KLHDC7A: variants seen among roughly 807,000 people sequenced by gnomAD.
KLHDC7A encodes the protein kelch domain containing 7A, also known as kelch domain-containing protein 7A.
For synonymous variants in KLHDC7A, 464 were observed against 461.0 expected (o/e 1.01, Z -0.08); for missense variants, 1,123 against 1,052.6 (o/e 1.07, Z -0.93).
rs368013243 is a variant in KLHDC7A, at chr1:18,483,129, C to T, written c.2148C>T (p.Phe716=). 314 of 1,614,022 alleles carry T rather than the reference C, an allele frequency of 1.9e-4. No individual in the cohort carries two copies. Among genetic ancestry groups the T allele is most frequent in the Non-Finnish European group, 2.5e-4 (298 of 1,180,038 alleles). Reference sequence around the variant, plus strand: ...ACCGGACGCCTTACCCGGATGCCTTCCAGTGCGCCGTGGTGGACAACCTCA... The same window carrying T: ...ACCGGACGCCTTACCCGGATGCCTTTCAGTGCGCCGTGGTGGACAACCTCA... ...ATYRTPYPDA[F]QCAVVDNLIY... Residue 716 remains phenylalanine (F), a synonymous_variant, in exon 1 of 1, where the codon TTC becomes TTT. Transcript: ENST00000400664.
rs888445245 is a variant in KLHDC7A at position 18,483,771 on chromosome 1, C to G, written c.*456C>G. On this transcript the variant is annotated 3_prime_UTR_variant, in exon 1 of 1. Coordinates refer to ENST00000400664, the MANE Select transcript of KLHDC7A (RefSeq NM_152375.3). ...CTTCCTAAACATCAGCCACTGGGCC[C>G]CACCTCCACAGTTCCCAGAAGCACC... 5 of 1,203,764 alleles carry G rather than the reference C, an allele frequency of 4.2e-6. No individual in the cohort carries two copies. The highest frequency in any genetic ancestry group is 5.3e-6 in the Non-Finnish European group (5 of 943,436). The allele number at this position is 1,203,764 out of a possible 1,614,324, so 74.6% of individuals were successfully genotyped here.
chr1:18,481,459 C>A lies in KLHDC7A; in HGVS notation c.478C>A (p.Arg160Ser), dbSNP rs11261022. 559,696 of 1,613,382 alleles carry A rather than the reference C, an allele frequency of 0.35. 98,637 individuals are homozygous for A. The highest frequency in any genetic ancestry group is 0.39 in the Middle Eastern group (2,378 of 6,062). Reference protein sequence around the residue: ...GSNPDPPHFPRLGSEPKSSPA... With the variant: ...GSNPDPPHFPSLGSEPKSSPA... ...TAACCCTGACCCTCCCCATTTCCCC[C>A]GCTTGGGCAGCGAACCGAAGAGCTC... The change falls in exon 1 of 1, where the codon CGC becomes AGC. Residue 160 changes from arginine (R) to serine (S), a missense_variant. Coordinates refer to ENST00000400664, the MANE Select transcript of KLHDC7A (RefSeq NM_152375.3).
rs765463020 is a variant in KLHDC7A, at chr1:18,481,630, A to C, written c.649A>C (p.Ser217Arg). Residue 217 changes from serine to arginine, a missense_variant, in exon 1 of 1, where the codon AGT becomes CGT. Physicochemically the swap from Ser to Arg is moderately radical, Grantham distance 110. Transcript: ENST00000400664. ...CHYVAPLQGS[S>R]DMNQSWVFTR... ...CTACGTGGCTCCCTTGCAAGGCAGC[A>C]GTGACATGAACCAGAGCTGGGTCTT... 2 of 1,614,082 alleles carry C rather than the reference A, an allele frequency of 1.2e-6. No individual in the cohort carries two copies. The highest frequency in any genetic ancestry group is 3.3e-5 in the Admixed American group (2 of 60,028).
Position 18,481,725 on chromosome 1 carries a change from C to T in KLHDC7A, c.744C>T (p.Thr248=). Residue 248 remains threonine (T), a synonymous_variant, in exon 1 of 1, where the codon ACC becomes ACT. Transcript: ENST00000400664. ...AGGCTGCCTCCGATGTTGACCTGAC[C>T]CTGCATCAGCAGGAGGGCGCCCCCA... ...ALEAASDVDL[T]LHQQEGAPNS... The T allele has an allele frequency of 1.9e-6, 3 of 1,614,052 alleles. No individual in the cohort carries two copies. The highest frequency in any genetic ancestry group is 1.7e-6 in the Non-Finnish European group (2 of 1,179,994).
Position 18,483,194 on chromosome 1 carries a change from C to A in KLHDC7A, c.2213C>A (p.Ala738Glu). The change falls in exon 1 of 1, where the codon GCA becomes GAA. Residue 738 changes from alanine to glutamate, a missense_variant. Transcript: ENST00000400664. The stretch of plus-strand genomic sequence containing the variant: ...CGCCGGAGCACCCTCTGCTTCCTAG[C>A]AGACTCTGTCTCACCCAGGTTTGTG... Reference protein sequence around the residue: ...VGRRSTLCFLADSVSPRFVPK... With the variant: ...VGRRSTLCFLEDSVSPRFVPK... 6 of 1,614,076 alleles carry A rather than the reference C, an allele frequency of 3.7e-6. No homozygotes were observed. Among genetic ancestry groups the A allele is most frequent in the Non-Finnish European group, 5.1e-6 (6 of 1,180,036 alleles).
rs570822353 is a variant in KLHDC7A at position 18,483,607 on chromosome 1, T to C, written c.*292T>C. On this transcript the variant is annotated 3_prime_UTR_variant, in exon 1 of 1. Transcript: ENST00000400664. ...CCGCCCTTGCTTCAACTCTGAATTCTTGGGGGGATACACCGGGACCCCACC... is the reference window on the plus strand; with the variant it reads ...CCGCCCTTGCTTCAACTCTGAATTCCTGGGGGGATACACCGGGACCCCACC... 1.5e-6 allele frequency: 2 copies of C among 1,321,990 alleles called. No individual in the cohort carries two copies. Among genetic ancestry groups the C allele is most frequent in the Admixed American group, 3.4e-5 (1 of 29,562 alleles). 81.9% of individuals were successfully genotyped at this position (1,321,990 alleles called of 1,614,324 possible).
In KLHDC7A at chr1:18,483,493, C is replaced by T. The variant is rs529465442; in HGVS notation, c.*178C>T. 4.8e-6 allele frequency: 7 copies of T among 1,448,620 alleles called. No homozygotes were observed. The South Asian group carries it at 7.5e-5, about 15-fold the overall frequency. 89.7% of individuals were successfully genotyped at this position (1,448,620 alleles called of 1,614,324 possible). ...AGAGAGGGATCTTAGATGAGTCTTA[C>T]CCTTCATGGGCTGCAGAGGCCCCAC... On this transcript the variant is annotated 3_prime_UTR_variant, in exon 1 of 1. Coordinates refer to ENST00000400664, the MANE Select transcript of KLHDC7A (RefSeq NM_152375.3).
rs751381872 is a variant in KLHDC7A at position 18,482,619 on chromosome 1, C to T, written c.1638C>T (p.Ser546=). ...CSLFNYLFVV[S]GCQGPGHQPS... is the part of the protein sequence containing the mutation. ...TCTTCAATTATCTCTTCGTGGTGTC[C>T]GGCTGCCAGGGGCCCGGGCACCAGC... The change falls in exon 1 of 1, where the codon TCC becomes TCT. Residue 546 remains serine (S), a synonymous_variant. Transcript: ENST00000400664. The T allele has an allele frequency of 8.7e-6, 14 of 1,609,480 alleles. No individual in the cohort carries two copies. The highest frequency in any genetic ancestry group is 3.3e-5 in the South Asian group (3 of 91,000).
In KLHDC7A at chr1:18,484,201, G is replaced by A; in HGVS notation, c.*886G>A. 6.8e-6 allele frequency: 3 copies of A among 441,544 alleles called. 1 individual carries two copies. The highest frequency in any genetic ancestry group is 5.8e-5 in the South Asian group (3 of 51,472). The allele number at this position is 441,544 out of a possible 1,614,324, so 27.4% of individuals were successfully genotyped here. A position where few individuals can be genotyped will look rare whatever the true frequency, so the allele number is the denominator to read the frequency against. Reference sequence around the variant, plus strand: ...CAACCACCACCAGTCAGCACTTCAGGGTGACAGCATAATTTGCCCTCCTTG... The same window carrying A: ...CAACCACCACCAGTCAGCACTTCAGAGTGACAGCATAATTTGCCCTCCTTG... On this transcript the variant is annotated 3_prime_UTR_variant, in exon 1 of 1. Coordinates refer to ENST00000400664, the MANE Select transcript of KLHDC7A (RefSeq NM_152375.3).
Position 18,483,213 on chromosome 1 carries a change from G to C in KLHDC7A, c.2232G>C (p.Arg744Ser). ...TCCTAGCAGACTCTGTCTCACCCAG[G>C]TTTGTGCCCAAGGAGCTGCGGAGTT... The part of the protein sequence containing the change: ...LCFLADSVSP[R>S]FVPKELRSFP... Residue 744 changes from arginine to serine, a missense_variant, in exon 1 of 1, where the codon AGG (arginine) becomes AGC (serine). Coordinates refer to ENST00000400664, the MANE Select transcript of KLHDC7A (RefSeq NM_152375.3). The C allele has an allele frequency of 6.2e-7, 1 of 1,614,034 alleles. No individual in the cohort carries two copies. Among genetic ancestry groups the C allele is most frequent in the Non-Finnish European group, 8.5e-7 (1 of 1,180,032 alleles).
At position 18,481,256 on chromosome 1, in the gene KLHDC7A, C is replaced by A; in HGVS notation, c.275C>A (p.Pro92Gln). The change falls in exon 1 of 1, where the codon CCA becomes CAA. Residue 92 changes from proline (P) to glutamine (Q), a missense_variant. By Grantham distance (76) the Pro-to-Gln change is moderately conservative. Transcript: ENST00000400664. The part of the protein sequence containing the change: ...RRRSSKRAEA[P>Q]QGCSCENPRG... ...AGGAGCAGCAAGCGGGCTGAAGCAC[C>A]ACAGGGCTGCAGCTGTGAGAATCCA... 3 of 1,585,790 alleles carry A rather than the reference C, an allele frequency of 1.9e-6. No individual in the cohort carries two copies. In the South Asian group the frequency reaches 3.5e-5, roughly 18 times the overall value.
Position 18,484,661 on chromosome 1 carries a change from C to T in KLHDC7A, c.*1346C>T, listed in dbSNP as rs1216307845. The T allele has an allele frequency of 6.0e-6, 1 of 167,260 alleles. No individual in the cohort carries two copies. The highest frequency in any genetic ancestry group is 1.9e-4 in the East Asian group (1 of 5,202). The allele number at this position is 167,260 out of a possible 1,614,324, so 10.4% of individuals were successfully genotyped here. On this transcript the variant is annotated 3_prime_UTR_variant, in exon 1 of 1. Transcript: ENST00000400664. ...TGAGAGGATAAAAGAGAAAGTTCTT[C>T]CCAGTTTCCCAGGTGGTCCCAGCTA...
rs147705908 is a variant in KLHDC7A at position 18,482,784 on chromosome 1, G to C, written c.1803G>C (p.Ser601=). The change falls in exon 1 of 1, where the codon TCG becomes TCC. Residue 601 remains serine (S), a synonymous_variant. Transcript: ENST00000400664. ...CCATCGGCGGAGAGTGTCTGAACTCGGTGGAGCGTTACGACCCCCGCCTGG... is the reference window on the plus strand; with the variant it reads ...CCATCGGCGGAGAGTGTCTGAACTCCGTGGAGCGTTACGACCCCCGCCTGG... ...LYAIGGECLN[S]VERYDPRLDR... 3.7e-5 allele frequency: 59 copies of C among 1,609,138 alleles called. No individual in the cohort carries two copies. The highest frequency in any genetic ancestry group is 4.9e-5 in the Non-Finnish European group (58 of 1,178,484).
Position 18,481,490 on chromosome 1 carries a change from C to A in KLHDC7A, c.509C>A (p.Ala170Asp), listed in dbSNP as rs1406331660. 6.2e-7 allele frequency: 1 copy of A among 1,613,592 alleles called. No individual in the cohort carries two copies. Residue 170 changes from alanine (A) to aspartate (D), a missense_variant, in exon 1 of 1, where the codon GCT (alanine) becomes GAT (aspartate). Transcript: ENST00000400664. ...RLGSEPKSSP[A>D]GLIAAADGSC... ...GGCAGCGAACCGAAGAGCTCCCCAG[C>A]TGGACTCATTGCAGCAGCCGACGGC...
Position 18,481,405 on chromosome 1 carries a change from A to C in KLHDC7A, c.424A>C (p.Ser142Arg), listed in dbSNP as rs779264834. 6.2e-7 allele frequency: 1 copy of C among 1,613,714 alleles called. No individual in the cohort carries two copies. The highest frequency in any genetic ancestry group is 1.1e-5 in the South Asian group (1 of 91,036). ...DSEQVPPCCP[S>R]QETRTAVGSN... is the part of the protein sequence containing the mutation. ...TGAGCAGGTGCCTCCTTGCTGCCCCAGCCAGGAAACCAGAACAGCTGTTGG... is the reference window on the plus strand; with the variant it reads ...TGAGCAGGTGCCTCCTTGCTGCCCCCGCCAGGAAACCAGAACAGCTGTTGG... The change falls in exon 1 of 1, where the codon AGC (serine) becomes CGC (arginine). Residue 142 changes from serine to arginine, a missense_variant. Physicochemically the swap from Ser to Arg is moderately radical, Grantham distance 110 (BLOSUM62 -1). Transcript: ENST00000400664.
rs2086917882 is a variant in KLHDC7A at position 18,483,987 on chromosome 1, G to T, written c.*672G>T. 10 of 1,304,258 alleles carry T rather than the reference G, an allele frequency of 7.7e-6. No individual in the cohort carries two copies. The highest frequency in any genetic ancestry group is 9.1e-6 in the Non-Finnish European group (9 of 988,946). The allele number at this position is 1,304,258 out of a possible 1,614,324, so 80.8% of individuals were successfully genotyped here. ...GCCCACATTACTTTTCTCCTTATTG[G>T]AAGAAAGAGAAGCAGCCATTGTACC... is the stretch of plus-strand genomic sequence containing the variant. On this transcript the variant is annotated 3_prime_UTR_variant, in exon 1 of 1. Coordinates refer to ENST00000400664, the MANE Select transcript of KLHDC7A (RefSeq NM_152375.3).
At position 18,482,366 on chromosome 1, in the gene KLHDC7A, A is replaced by G. The variant is rs1569988191; in HGVS notation, c.1385A>G (p.Tyr462Cys). 6.2e-7 allele frequency: 1 copy of G among 1,603,476 alleles called. No homozygotes were observed. The highest frequency in any genetic ancestry group is 8.5e-7 in the Non-Finnish European group (1 of 1,179,922). Residue 462 changes from tyrosine to cysteine, a missense_variant, in exon 1 of 1, where the codon TAC (tyrosine) becomes TGC (cysteine). By Grantham distance (194) the Tyr-to-Cys change is radical. Transcript: ENST00000400664. ...EAAYKVMSEN[Y>C]LQVLRSPDIY... is the part of the protein sequence containing the mutation. The stretch of plus-strand genomic sequence containing the variant: ...GCCTACAAGGTGATGAGCGAAAACT[A>G]CCTGCAGGTGCTGCGCAGCCCGGAC...
chr1:18,481,092 G>C lies in KLHDC7A; in HGVS notation c.111G>C (p.Leu37=). The C allele has an allele frequency of 6.2e-7, 1 of 1,613,906 alleles. No individual in the cohort carries two copies. Among genetic ancestry groups the C allele is most frequent in the Non-Finnish European group, 8.5e-7 (1 of 1,179,986 alleles). The change falls in exon 1 of 1, where the codon CTG becomes CTC. Residue 37 remains leucine (L), a synonymous_variant. Transcript: ENST00000400664. The stretch of plus-strand genomic sequence containing the variant: ...TCCTGGTGACTGTGGCCTACAGGCT[G>C]TACAAGTCGAGGCCTGCCCCAGCCC... ...ALLLVTVAYR[L]YKSRPAPAQR...
rs539811676 is a variant in KLHDC7A, at chr1:18,483,828, T to C, written c.*513T>C. The stretch of plus-strand genomic sequence containing the variant: ...CACAGGTGGGAAAGATGGAGGCAGG[T>C]GACTTGGGCAGGGCCAGGAAGGAGC... On this transcript the variant is annotated 3_prime_UTR_variant, in exon 1 of 1. Transcript: ENST00000400664. 1.2e-5 allele frequency: 15 copies of C among 1,223,214 alleles called. No homozygotes were observed. The highest frequency in any genetic ancestry group is 1.6e-5 in the African/African-American group (1 of 63,068). 75.8% of individuals were successfully genotyped at this position (1,223,214 alleles called of 1,614,324 possible). A position where few individuals can be genotyped will look rare whatever the true frequency, so the allele number is the denominator to read the frequency against.
Sources: allele counts gnomAD v4.1 joint callset, GRCh38; gene constraint gnomAD v4.1.1; transcripts MANE v1.5; gene names NCBI Gene and HGNC (gene_info 2026-07-23, HGNC 2026-07-21).